Variants in BMPR1B observed in about 807,000 individuals in gnomAD.
BMPR1B encodes bone morphogenetic protein receptor type-1B.
BMPR1B carries 12 observed loss-of-function variants against 59.1 expected under a neutral mutation model. That is an observed-to-expected ratio of 0.20 (90% CI 0.13 to 0.33). BMPR1B has a LOEUF of 0.33. Ranked by LOEUF, BMPR1B falls within the 10% of genes least tolerant of loss-of-function variation. BMPR1B has a pLI of 1.00. For missense variants in BMPR1B, 550 were observed against 610.9 expected, an observed-to-expected ratio of 0.90 and a Z score of 1.05; for synonymous variants, 237 against 207.3, an observed-to-expected ratio of 1.14 and a Z score of -1.23.
At chr4:94,832,563 C>G (rs1385596149) in intron 1 of BMPR1B, among the ~76,000 whole-genome samples, 2 of 152,118 alleles carry the variant, frequency 1.3e-5, no homozygotes, top group Non-Finnish European at 2.9e-5. Context: ...GGGCGGATCA[C>G]TTGAGGTCAG....
intron 2 of BMPR1B, among the ~76,000 whole-genome samples, chr4:94,939,273 A>G (rs146477332): frequency 2.1e-3 from 319 of 152,224 alleles, no homozygotes; most frequent in African/African-American, 7.2e-3. Flanking sequence ...TTTTCTCCAC[A>G]TTTCTTCTTT....
chr4:94,952,650 T>C (rs1231821123), intron 2 of BMPR1B, among the ~76,000 whole-genome samples: 1 of 152,216 alleles, frequency 6.6e-6, no homozygotes, highest in African/African-American at 2.4e-5. Flanking sequence ...TCTGTTCTTT[T>C]GCATTTGCTG....
chr4:95,146,778 C>T (rs1283077101), intron 10 of BMPR1B, among the ~76,000 whole-genome samples: 2 of 152,148 alleles, frequency 1.3e-5, no homozygotes, highest in Non-Finnish European at 2.9e-5. Context: ...CTACTCTGCT[C>T]CCATGAGAGG....
intron 2 of BMPR1B, among the ~76,000 whole-genome samples, chr4:94,898,484 C>T (rs927254609): frequency 6.6e-6 from 1 of 152,106 alleles, no homozygotes; most frequent in East Asian, 2.0e-4. Context: ...AGAGACTTCT[C>T]ATGAGATCTG....
chr4:94,957,072 A>G (rs1730167856), intron 2 of BMPR1B, among the ~76,000 whole-genome samples: 1 of 152,326 alleles, frequency 6.6e-6, no homozygotes, highest in East Asian at 1.9e-4. Context: ...AAAATAACAG[A>G]TAATCAATAG....
intron 2 of BMPR1B, among the ~76,000 whole-genome samples, chr4:94,994,979 G>C (rs1218499254): frequency 1.3e-5 from 2 of 152,146 alleles, no homozygotes; most frequent in Admixed American, 6.5e-5. Context: ...ATGAGTAAGT[G>C]ACCAGAGTCT....
intron 2 of BMPR1B, among the ~76,000 whole-genome samples, chr4:94,891,717 A>G (rs1727402038): frequency 6.6e-6 from 1 of 152,122 alleles, no homozygotes; most frequent in African/African-American, 2.4e-5. Context: ...AGAACATTGC[A>G]GATTTATTAA....
chr4:94,907,088 G>T (rs1728072687), intron 2 of BMPR1B, among the ~76,000 whole-genome samples: 1 of 151,924 alleles, frequency 6.6e-6, no homozygotes, highest in South Asian at 2.1e-4. Context: ...CAGTAACTGT[G>T]GGATGTGCAA....
intron 1 of BMPR1B, among the ~76,000 whole-genome samples, chr4:94,806,850 TTG>T (rs1484692024): frequency 1.3e-5 from 2 of 152,294 alleles, no homozygotes; most frequent in East Asian, 3.9e-4. Flanking sequence ...ACTGAGCTTC[TTG>T]TGTTTTTTTG....
At chr4:94,758,977 T>C (rs1721648460) in intron 1 of BMPR1B, among the ~76,000 whole-genome samples, 1 of 152,156 alleles carries the variant, frequency 6.6e-6, no homozygotes, top group Admixed American at 6.5e-5. Context: ...GGCTCCCCTG[T>C]CTCTTGCTCT....
intron 6 of BMPR1B, 110 bp from the exon 7 acceptor site, chr4:95,123,700 T>G (rs1732695255): frequency 1.2e-6 from 1 of 847,790 alleles, no homozygotes; most frequent in African/African-American, 1.7e-5. Flanking sequence ...GAAAAGGATC[T>G]TTCACATTTT....
intron 10 of BMPR1B, among the ~76,000 whole-genome samples, chr4:95,131,785 A>T (rs1218214676): frequency 6.6e-6 from 1 of 152,194 alleles, no homozygotes; most frequent in East Asian, 1.9e-4. Flanking sequence ...AATTCCTGGG[A>T]ATACGTAGTC....
At chr4:95,000,854 T>C (rs1303132148) in intron 3 of BMPR1B, among the ~76,000 whole-genome samples, 1 of 152,204 alleles carries the variant, frequency 6.6e-6, no homozygotes, top group Non-Finnish European at 1.5e-5. Flanking sequence ...TATTTTATTA[T>C]TGTTAGAAGT....
chr4:95,093,241 A>G (rs550000415), intron 3 of BMPR1B, among the ~76,000 whole-genome samples: 5 of 152,198 alleles, frequency 3.3e-5, no homozygotes, highest in African/African-American at 1.2e-4. Context: ...ACTTATAAAC[A>G]AGTTGTGTTT....
intron 2 of BMPR1B, among the ~76,000 whole-genome samples, chr4:94,964,772 A>T (rs755418993): frequency 1.3e-5 from 2 of 152,152 alleles, no homozygotes; most frequent in African/African-American, 2.4e-5. Flanking sequence ...TAGCTGTGGG[A>T]AAACCATTTA....
At chr4:95,092,176 A>C (rs1730043552) in intron 3 of BMPR1B, among the ~76,000 whole-genome samples, 1 of 152,144 alleles carries the variant, frequency 6.6e-6, no homozygotes, top group Non-Finnish European at 1.5e-5. Flanking sequence ...AGATCAAATG[A>C]ATGTTTCAAA....
intron 2 of BMPR1B, among the ~76,000 whole-genome samples, chr4:94,961,254 A>G (rs755921322): frequency 2.0e-5 from 3 of 152,138 alleles, no homozygotes; most frequent in Non-Finnish European, 2.9e-5. Context: ...TTATATATAC[A>G]GGAAGTTTTA....
At chr4:94,845,076 C>A (rs1440723253) in intron 1 of BMPR1B, among the ~76,000 whole-genome samples, 8 of 119,768 alleles carry the variant, frequency 6.7e-5, no homozygotes, top group African/African-American at 3.0e-4. Flanking sequence ...AATAGAGTAT[C>A]AACACTAAAA....
chr4:95,047,531 T>C (rs1261730905), intron 3 of BMPR1B, among the ~76,000 whole-genome samples: 1 of 152,158 alleles, frequency 6.6e-6, no homozygotes. Context: ...ATGGCTTGTC[T>C]TCAGTCATGT....
Sources: allele counts gnomAD v4.1 joint callset (sites outside exome capture counted in the v4.1 genomes callset), GRCh38; gene constraint gnomAD v4.1.1; transcripts MANE v1.5; gene names NCBI Gene and HGNC (gene_info 2026-07-23, HGNC 2026-07-21).